SNTG2: variants seen among roughly 807,000 people sequenced by gnomAD.
The protein encoded by SNTG2 is syntrophin gamma 2, also known as gamma-2-syntrophin.
In SNTG2, 74 loss-of-function variants were observed where a neutral mutation model predicts 70.9. The observed-to-expected ratio is 1.04, with a 90% CI of 0.86 to 1.27. The LOEUF (loss-of-function observed/expected upper bound fraction) is 1.27. Among genes scored for constraint, SNTG2 ranks in the 50% most tolerant of loss-of-function variants. The pLI, the probability that SNTG2 is intolerant of heterozygous loss-of-function variation, is 0.00. For synonymous variants in SNTG2, 278 were observed against 273.8 expected (o/e 1.02, Z -0.15); for missense variants, 717 against 690.7 (o/e 1.04, Z -0.43).
intron 16 of SNTG2, among the ~76,000 whole-genome samples, chr2:1,329,880 A>G (rs1406266584): frequency 6.6e-6 from 1 of 152,190 alleles, no homozygotes; most frequent in Non-Finnish European, 1.5e-5. Context: ...TTTGCAAAGA[A>G]CCACAAATCC....
At chr2:1,234,314 T>A (rs985164716) in intron 9 of SNTG2, among the ~76,000 whole-genome samples, 1 of 152,254 alleles carries the variant, frequency 6.6e-6, no homozygotes, top group Non-Finnish European at 1.5e-5. Flanking sequence ...CTGTGAACTT[T>A]CTTTCCCTGT....
chr2:1,172,591 G>A (rs1671198740), intron 7 of SNTG2, among the ~76,000 whole-genome samples: 1 of 152,202 alleles, frequency 6.6e-6, no homozygotes, highest in Non-Finnish European at 1.5e-5. Context: ...GTAAGCTCTG[G>A]TTGCATGAGC....
chr2:1,136,515 C>T (rs1668396026), intron 4 of SNTG2, among the ~76,000 whole-genome samples: 2 of 152,234 alleles, frequency 1.3e-5, no homozygotes, highest in African/African-American at 4.8e-5. Context: ...GGTACCATTA[C>T]GTACACTGAT....
intron 1 of SNTG2, among the ~76,000 whole-genome samples, chr2:1,005,367 A>G (rs1659531912): frequency 6.6e-6 from 1 of 151,554 alleles, no homozygotes. Flanking sequence ...ATGATAACAA[A>G]TGCGCCACCT....
chr2:1,115,895 A>G (rs554989317), intron 4 of SNTG2, among the ~76,000 whole-genome samples: 3 of 152,250 alleles, frequency 2.0e-5, no homozygotes, highest in African/African-American at 7.2e-5. Flanking sequence ...ATTCAGGTCA[A>G]TGTTCAAGCC....
At chr2:1,209,806 T>C (rs1264074094) in intron 9 of SNTG2, among the ~76,000 whole-genome samples, 2 of 152,248 alleles carry the variant, frequency 1.3e-5, no homozygotes, top group Non-Finnish European at 2.9e-5. Flanking sequence ...GGCCCACAAG[T>C]AATGAGTTGG....
intron 14 of SNTG2, among the ~76,000 whole-genome samples, chr2:1,286,488 A>G (rs1572923069): frequency 1.3e-5 from 2 of 152,194 alleles, no homozygotes; most frequent in African/African-American, 4.8e-5. Context: ...GCATGAGCCT[A>G]CTGCCACACT....
intron 6 of SNTG2, among the ~76,000 whole-genome samples, chr2:1,150,758 G>C (rs1669427849): frequency 1.3e-5 from 2 of 152,188 alleles, no homozygotes; most frequent in East Asian, 3.9e-4. Flanking sequence ...CTATGCCTGA[G>C]AGACTTCAGC....
intron 16 of SNTG2, among the ~76,000 whole-genome samples, chr2:1,339,742 C>T (rs1346661930): frequency 6.6e-6 from 1 of 152,166 alleles, no homozygotes; most frequent in Non-Finnish European, 1.5e-5. Flanking sequence ...TAGAGGAAGC[C>T]ATAACTGCCT....
At chr2:1,154,961 C>CACAT (rs1669765033) in intron 6 of SNTG2, among the ~76,000 whole-genome samples, 1 of 149,106 alleles carries the variant, frequency 6.7e-6, no homozygotes, top group African/African-American at 2.5e-5. Context: ...TCACACCACA[C>CACAT]ACAAAGACAT....
chr2:1,268,951 T>C (rs1426214428), intron 14 of SNTG2, among the ~76,000 whole-genome samples: 2 of 152,174 alleles, frequency 1.3e-5, no homozygotes, highest in Non-Finnish European at 2.9e-5. Context: ...CATGCCTGGC[T>C]GAGCAGAGTC....
intron 4 of SNTG2, among the ~76,000 whole-genome samples, chr2:1,122,263 A>G (rs1667421053): frequency 6.6e-6 from 1 of 152,208 alleles, no homozygotes; most frequent in Admixed American, 6.5e-5. Flanking sequence ...TTTAAAAGCC[A>G]GCATCACCGT....
intron 16 of SNTG2, among the ~76,000 whole-genome samples, chr2:1,318,386 A>G (rs1324967783): frequency 6.6e-6 from 1 of 152,216 alleles, no homozygotes; most frequent in African/African-American, 2.4e-5. Context: ...CATTGATCTC[A>G]ATGAAATGAC....
chr2:1,180,890 A>G (rs1052672831), intron 8 of SNTG2, among the ~76,000 whole-genome samples: 5 of 152,284 alleles, frequency 3.3e-5, no homozygotes, highest in African/African-American at 9.6e-5. Context: ...ATGCAGCCAT[A>G]AAAAATGATG....
intron 1 of SNTG2, among the ~76,000 whole-genome samples, chr2:1,042,663 C>T (rs1661506467): frequency 6.6e-6 from 1 of 152,146 alleles, no homozygotes; most frequent in Admixed American, 6.5e-5. Context: ...AGGATAATGG[C>T]CTCCAGCTCC....
intron 1 of SNTG2, among the ~76,000 whole-genome samples, chr2:1,036,465 T>G (rs1661135019): frequency 6.6e-6 from 1 of 152,228 alleles, no homozygotes; most frequent in Non-Finnish European, 1.5e-5. Context: ...TAAAACCTAC[T>G]TAAGTTTTGA....
intron 7 of SNTG2, among the ~76,000 whole-genome samples, chr2:1,172,238 C>A (rs1180762988): frequency 6.6e-6 from 1 of 152,158 alleles, no homozygotes; most frequent in Non-Finnish European, 1.5e-5. Context: ...ACAGGGCCTG[C>A]TCTCCACTCA....
intron 8 of SNTG2, among the ~76,000 whole-genome samples, chr2:1,196,375 G>C (rs1373722530): frequency 1.3e-5 from 2 of 152,020 alleles, no homozygotes; most frequent in African/African-American, 2.4e-5. Context: ...ATGACATATG[G>C]GACACATTAA....
chr2:1,010,718 G>T (rs979090704), intron 1 of SNTG2, among the ~76,000 whole-genome samples: 1 of 152,194 alleles, frequency 6.6e-6, no homozygotes, highest in Non-Finnish European at 1.5e-5. Context: ...GGCCCTATAC[G>T]CAGGGCTCTT....
Sources: gnomAD v4.1 joint callset for allele counts (sites outside exome capture counted in the v4.1 genomes callset) on GRCh38, gnomAD v4.1.1 for gene constraint, MANE v1.5 for transcripts, NCBI Gene and HGNC (gene_info 2026-07-23, HGNC 2026-07-21) for gene names.